RPL17: variants seen among roughly 807,000 people sequenced by gnomAD.
RPL17 encodes the protein large ribosomal subunit protein uL22.
Under a neutral mutation model 27.7 loss-of-function variants are expected in RPL17, and 2 were observed. The ratio of observed to expected loss-of-function variants is 0.07; its 90% confidence interval spans 0.03 to 0.23. The LOEUF (loss-of-function observed/expected upper bound fraction) is 0.23. Among genes scored for constraint, RPL17 ranks in the 10% least tolerant of loss-of-function variants. RPL17 has a pLI of 1.00. For synonymous variants in RPL17, 76 were observed against 75.5 expected, an observed-to-expected ratio of 1.01 and a Z score of -0.03; for missense variants, 141 against 238.8, an observed-to-expected ratio of 0.59 and a Z score of 2.70.
rs1008528401 is a variant in RPL17 at position 49,491,868 on chromosome 18, G to A, written c.-13-284C>T. ...AAAATACAGCCTGTTTCAATCCAAT[G>A]CTGGATCTTCCAGGCGTAAAATGAC... On this transcript the variant is annotated intron_variant, in intron 1 of 6. Coordinates refer to ENST00000580261, the MANE Select transcript of RPL17 (RefSeq NM_001035006.5). 10 of 552,858 alleles carry A rather than the reference G, an allele frequency of 1.8e-5. No individual in the cohort carries two copies. In the East Asian group the frequency reaches 3.3e-4, roughly 18 times the overall value. 34.2% of individuals were successfully genotyped at this position (552,858 alleles called of 1,614,324 possible). A position where few individuals can be genotyped will look rare whatever the true frequency, so the allele number is the denominator to read the frequency against.
At chr18:49,490,761 T>C in intron 4 of RPL17, 32 bp downstream of exon 4, 2 of 1,612,900 alleles carry the variant, frequency 1.2e-6, no homozygotes, top group Non-Finnish European at 8.5e-7. Flanking sequence ...CATTAAAATC[T>C]GTCTTTTCAA....
chr18:49,490,471 T>C lies in RPL17; in HGVS notation c.298A>G (p.Ser100Gly). The C allele has an allele frequency of 6.2e-7, 1 of 1,613,998 alleles. No homozygotes were observed. The highest frequency in any genetic ancestry group is 8.5e-7 in the Non-Finnish European group (1 of 1,179,874). The part of the protein sequence containing the change: ...FLLHMLKNAE[S>G]NAELKGLDVD... ...TTGGGTACCTTAAGTTCAGCATTACTCTCTGCGTTTTTAAGCATGTGCAGC... is the reference window on the plus strand; with the variant it reads ...TTGGGTACCTTAAGTTCAGCATTACCCTCTGCGTTTTTAAGCATGTGCAGC... The change falls in exon 5 of 7, where the codon AGT becomes GGT. Residue 100 changes from serine to glycine, a missense_variant. Around this residue, in one of 2 missense-constraint regions of RPL17, gnomAD observed 107 missense variants for 150.1 expected, o/e 0.71. Coordinates refer to ENST00000580261, the MANE Select transcript of RPL17 (RefSeq NM_001035006.5).
intron 5 of RPL17, among the ~76,000 whole-genome samples, chr18:49,489,811 A>G (rs2083923573): frequency 6.6e-6 from 1 of 152,144 alleles, no homozygotes; most frequent in Admixed American, 6.5e-5. Flanking sequence ...AGATCCTTAG[A>G]CGGGTGGAGA....
In RPL17 at chr18:49,491,613, A is replaced by T. The variant is rs192356663; in HGVS notation, c.-13-29T>A. The stretch of plus-strand genomic sequence containing the variant: ...GAGGAAAGTACAGTGTAATTCTGTC[A>T]ATACGTACTTACAGTAACTCATTCA... On this transcript the variant is annotated intron_variant, in intron 1 of 6. Coordinates refer to ENST00000580261, the MANE Select transcript of RPL17 (RefSeq NM_001035006.5). The T allele has an allele frequency of 2.1e-5, 34 of 1,612,144 alleles. No homozygotes were observed. The Admixed American group carries it at 5.5e-4, about 26-fold the overall frequency.
rs781215428 is a variant in RPL17 at position 49,490,778 on chromosome 18, A to C, written c.216+15T>G. 4 of 1,612,776 alleles carry C rather than the reference A, an allele frequency of 2.5e-6. No individual in the cohort carries two copies. The highest frequency in any genetic ancestry group is 3.4e-6 in the Non-Finnish European group (4 of 1,179,502). Reference sequence around the variant, plus strand: ...TTAAAATCTGTCTTTTCAAATGGCAACTAAGAATTCTCACCTGCGCACACC... The same window carrying C: ...TTAAAATCTGTCTTTTCAAATGGCACCTAAGAATTCTCACCTGCGCACACC... On this transcript the variant is annotated intron_variant, in intron 4 of 6. Coordinates refer to ENST00000580261, the MANE Select transcript of RPL17 (RefSeq NM_001035006.5).
chr18:49,489,197 TTAG>T, intron 6 of RPL17, 159 bp downstream of exon 6: 1 of 698,210 alleles, frequency 1.4e-6, no homozygotes, highest in Non-Finnish European at 2.3e-6. Flanking sequence ...CCATTTATTA[TTAG>T]TCAAGAAACA....
chr18:49,492,289 T>A (rs2084173940), intron 1 of RPL17, 169 bp downstream of exon 1: 1 of 152,490 alleles, frequency 6.6e-6, no homozygotes, highest in Non-Finnish European at 1.5e-5. Flanking sequence ...GCTCCCAAAG[T>A]CAGGCCCTCC....
In RPL17 at chr18:49,492,442, C is replaced by G. The variant is rs761552173; in HGVS notation, c.-14+16G>C. ...GGAGGATTGGGCCCTCGGAGCAACGCAGGAGAAACACTCACCTCAGGCTGC... is the reference window on the plus strand; with the variant it reads ...GGAGGATTGGGCCCTCGGAGCAACGGAGGAGAAACACTCACCTCAGGCTGC... On this transcript the variant is annotated intron_variant, in intron 1 of 6. Coordinates refer to ENST00000580261, the MANE Select transcript of RPL17 (RefSeq NM_001035006.5). The G allele has an allele frequency of 6.6e-6, 1 of 152,398 alleles. No individual in the cohort carries two copies. Among genetic ancestry groups the G allele is most frequent in the African/African-American group, 2.4e-5 (1 of 41,462 alleles). The allele number at this position is 152,398 out of a possible 1,614,324, so 9.4% of individuals were successfully genotyped here.
chr18:49,489,649 G>C, intron 5 of RPL17, 99 bp from the exon 6 acceptor site: 2 of 1,279,544 alleles, frequency 1.6e-6, no homozygotes, highest in Non-Finnish European at 2.2e-6. Context: ...GCTTGCTCCA[G>C]AGTCCTGCCT....
At chr18:49,489,990 C>T (rs1600494428) in intron 5 of RPL17, among the ~76,000 whole-genome samples, 2 of 152,154 alleles carry the variant, frequency 1.3e-5, no homozygotes, top group East Asian at 3.8e-4. Flanking sequence ...TGTGTTTTGT[C>T]AACACAAGTT....
At chr18:49,489,616 C>T in intron 5 of RPL17, 66 bp from the exon 6 acceptor site, 1 of 1,516,646 alleles carries the variant, frequency 6.6e-7, no homozygotes, top group Non-Finnish European at 9.0e-7. Context: ...CACAAACTAT[C>T]ATTGCTAAAT....
At position 49,490,776 on chromosome 18, in the gene RPL17, C is replaced by CAA. The variant is rs779849376; in HGVS notation, c.216+15_216+16dup. On this transcript the variant is annotated intron_variant, in intron 4 of 6. Transcript: ENST00000580261. ...CATTAAAATCTGTCTTTTCAAATGG[C>CAA]AACTAAGAATTCTCACCTGCGCACA... is the stretch of plus-strand genomic sequence containing the variant. 1 of 1,612,712 alleles carries CAA rather than the reference C, an allele frequency of 6.2e-7. No homozygotes were observed. The highest frequency in any genetic ancestry group is 1.3e-5 in the African/African-American group (1 of 75,006).
At chr18:49,488,801 T>C (rs958744385) in intron 6 of RPL17, among the ~76,000 whole-genome samples, 3 of 152,138 alleles carry the variant, frequency 2.0e-5, no homozygotes, top group African/African-American at 4.8e-5. Flanking sequence ...ACAAGCTTCT[T>C]AGATTTGGGG....
In RPL17 at chr18:49,491,881, G is replaced by A. The variant is rs1407362261; in HGVS notation, c.-13-297C>T. Reference sequence around the variant, plus strand: ...TTTCAATCCAATGCTGGATCTTCCAGGCGTAAAATGACTCGACGCATCCGC... The same window carrying A: ...TTTCAATCCAATGCTGGATCTTCCAAGCGTAAAATGACTCGACGCATCCGC... On this transcript the variant is annotated intron_variant, in intron 1 of 6. Coordinates refer to ENST00000580261, the MANE Select transcript of RPL17 (RefSeq NM_001035006.5). 18 of 504,704 alleles carry A rather than the reference G, an allele frequency of 3.6e-5. 1 individual carries two copies. Among genetic ancestry groups the A allele is most frequent in the African/African-American group, 5.8e-5 (3 of 51,624 alleles). The allele number at this position is 504,704 out of a possible 1,614,324, so 31.3% of individuals were successfully genotyped here. A position where few individuals can be genotyped will look rare whatever the true frequency, so the allele number is the denominator to read the frequency against.
chr18:49,491,154 T>C, intron 3 of RPL17: 1 of 893,712 alleles, frequency 1.1e-6, no homozygotes, highest in Non-Finnish European at 1.8e-6. Context: ...TCCATCATCA[T>C]GTAATTACAA....
chr18:49,490,771 A>T, intron 4 of RPL17, 22 bp downstream of exon 4: 1 of 1,612,752 alleles, frequency 6.2e-7, no homozygotes, highest in Non-Finnish European at 8.5e-7. Flanking sequence ...TGTCTTTTCA[A>T]ATGGCAACTA....
At chr18:49,491,797 A>T (rs2084110929) in intron 1 of RPL17, 7 of 760,756 alleles carry the variant, frequency 9.2e-6, no homozygotes, top group Non-Finnish European at 1.7e-5. Flanking sequence ...CTGCTTCCAC[A>T]GAAGTAGCCA....
chr18:49,489,820 G>A lies in RPL17; in HGVS notation c.316-270C>T, dbSNP rs191200484. ...TCCCAAAGATCCTTAGACGGGTGGAGAGCTGAGGGGTAAGGAAGAACCCAA... is the reference window on the plus strand; with the variant it reads ...TCCCAAAGATCCTTAGACGGGTGGAAAGCTGAGGGGTAAGGAAGAACCCAA... On this transcript the variant is annotated intron_variant, in intron 5 of 6. Transcript: ENST00000580261. Among the ~76,000 whole-genome samples, 205 of 152,292 alleles carry A rather than the reference G, an allele frequency of 1.3e-3. 2 individuals are homozygous for A. Among genetic ancestry groups the A allele is most frequent in the African/African-American group, 4.8e-3 (199 of 41,562 alleles).
At chr18:49,489,706 A>AT (rs963871721) in intron 5 of RPL17, among the ~76,000 whole-genome samples, 156 bp from the exon 6 acceptor site, 2 of 152,180 alleles carry the variant, frequency 1.3e-5, no homozygotes, top group Non-Finnish European at 2.9e-5. Flanking sequence ...TGCAAATAGC[A>AT]TTTTTTTAAC....
Sources: allele counts gnomAD v4.1 joint callset (sites outside exome capture counted in the v4.1 genomes callset), GRCh38; gene constraint gnomAD v4.1.1; regional missense constraint gnomAD v4.1.1; transcripts MANE v1.5; gene names NCBI Gene and HGNC (gene_info 2026-07-23, HGNC 2026-07-21).